PACS1: variants seen among roughly 807,000 people sequenced by gnomAD.
PACS1 encodes the protein phosphofurin acidic cluster sorting protein 1.
PACS1 carries 24 observed loss-of-function variants against 115.0 expected under a neutral mutation model. The observed-to-expected ratio is 0.21, with a 90% CI of 0.15 to 0.29. PACS1 has a LOEUF of 0.29. PACS1 is among the 10% of genes least tolerant of loss of function. PACS1 has a pLI of 1.00. For missense variants in PACS1, 838 were observed against 1,251.2 expected (o/e 0.67, Z 4.98); for synonymous variants, 453 against 504.5 (o/e 0.90, Z 1.37).
chr11:66,216,470 A>G, intron 5 of PACS1, 50 bp from the exon 6 acceptor site: 1 of 1,543,744 alleles, frequency 6.5e-7, no homozygotes. Flanking sequence ...GAAGTTTCTT[A>G]GGCCAGATCT....
In PACS1 at chr11:66,236,346, C is replaced by T. The variant is rs1040146715; in HGVS notation, c.2250+406C>T. Among the ~76,000 whole-genome samples the T allele has an allele frequency of 3.3e-5, 5 of 152,222 alleles. No homozygotes were observed. Among genetic ancestry groups the T allele is most frequent in the Non-Finnish European group, 7.3e-5 (5 of 68,038 alleles). ...TTACACCAGGCCCTGACCTCGCTGCCTTCACCCGGGGAGTGATGTCCAGAC... is the reference window on the plus strand; with the variant it reads ...TTACACCAGGCCCTGACCTCGCTGCTTTCACCCGGGGAGTGATGTCCAGAC... On this transcript the variant is annotated intron_variant, in intron 19 of 23. Transcript: ENST00000320580. This position sits in a 1 kb window ranked among gnomAD's most constrained non-coding sequence, Gnocchi z 4.2.
intron 1 of PACS1, among the ~76,000 whole-genome samples, chr11:66,126,706 G>T (rs1202255866): frequency 6.6e-6 from 1 of 152,032 alleles, no homozygotes; most frequent in African/African-American, 2.4e-5. Flanking sequence ...TGAGGGAGAA[G>T]TGATGTCCTT....
intron 10 of PACS1, among the ~76,000 whole-genome samples, chr11:66,223,269 T>C (rs1565153881): frequency 6.6e-6 from 1 of 151,922 alleles, no homozygotes; most frequent in Non-Finnish European, 1.5e-5. Flanking sequence ...AATTTTTGTA[T>C]TTTTAGTAGA....
intron 13 of PACS1, 131 bp downstream of exon 13, chr11:66,231,071 C>A: frequency 8.5e-7 from 1 of 1,181,126 alleles, no homozygotes; most frequent in Non-Finnish European, 1.2e-6. Flanking sequence ...AACAAAAACT[C>A]TTGAAGAAAG....
chr11:66,160,871 G>T (rs10488727), intron 1 of PACS1, among the ~76,000 whole-genome samples: 1 of 151,930 alleles, frequency 6.6e-6, no homozygotes, highest in Admixed American at 6.6e-5. Flanking sequence ...TAATAGAACA[G>T]TGTTAGCATC....
intron 1 of PACS1, among the ~76,000 whole-genome samples, chr11:66,079,917 C>T (rs1216676429): frequency 6.6e-6 from 1 of 152,208 alleles, no homozygotes. Flanking sequence ...GCTGTTCCCT[C>T]TACCTGTGAT....
Position 66,243,588 on chromosome 11 carries a change from A to C in PACS1, c.*308A>C, listed in dbSNP as rs1855861362. 3.3e-6 allele frequency: 1 copy of C among 306,910 alleles called. No individual in the cohort carries two copies. Among genetic ancestry groups the C allele is most frequent in the Non-Finnish European group, 6.1e-6 (1 of 163,312 alleles). The allele number at this position is 306,910 out of a possible 1,614,324, so 19.0% of individuals were successfully genotyped here. ...GACTGAGTCCCCCAGGCCTTCCTTC[A>C]CCCGACTTCCAAACTCTTCCTTGTG... On this transcript the variant is annotated 3_prime_UTR_variant, in exon 24 of 24. Transcript: ENST00000320580.
chr11:66,217,475 A>G (rs1340082352), intron 7 of PACS1: 1 of 444,454 alleles, frequency 2.2e-6, no homozygotes, highest in Non-Finnish European at 4.6e-6. Flanking sequence ...TCACAGCTCC[A>G]TTTACCCAGA....
At chr11:66,137,069 T>C (rs1287995686) in intron 1 of PACS1, among the ~76,000 whole-genome samples, 1 of 144,660 alleles carries the variant, frequency 6.9e-6, no homozygotes, top group Non-Finnish European at 1.5e-5. Context: ...TCTGTTTACA[T>C]TGGTGTTTGC....
At chr11:66,221,130 C>T in intron 9 of PACS1, 24 bp from the exon 10 acceptor site, 1 of 1,606,766 alleles carries the variant, frequency 6.2e-7, no homozygotes, top group Non-Finnish European at 8.5e-7. Context: ...GCAGCACTGA[C>T]CCTGGCTGTG....
chr11:66,167,059 C>T (rs1004933988), intron 1 of PACS1, among the ~76,000 whole-genome samples: 3 of 150,260 alleles, frequency 2.0e-5, no homozygotes, highest in African/African-American at 5.0e-5. Context: ...CCCATCGTGC[C>T]GCATCTTCAC....
At chr11:66,241,845 C>T (rs530347446) in intron 22 of PACS1, among the ~76,000 whole-genome samples, 192 bp downstream of exon 22, 2 of 152,292 alleles carry the variant, frequency 1.3e-5, no homozygotes, top group South Asian at 2.1e-4. Flanking sequence ...TGCAGGAAAC[C>T]GAGGCTGCAG....
intron 2 of PACS1, among the ~76,000 whole-genome samples, chr11:66,197,770 C>T (rs1854681785): frequency 6.6e-6 from 1 of 152,032 alleles, no homozygotes; most frequent in East Asian, 1.9e-4. Flanking sequence ...CTACCCTGGG[C>T]AACAGAACGA....
chr11:66,080,114 G>C (rs1384534084), intron 1 of PACS1, among the ~76,000 whole-genome samples: 1 of 152,194 alleles, frequency 6.6e-6, no homozygotes, highest in Admixed American at 6.5e-5. Context: ...CTTTATAGAT[G>C]CTCAATAACT....
intron 10 of PACS1, among the ~76,000 whole-genome samples, chr11:66,227,069 A>G (rs1855482592): frequency 6.6e-6 from 1 of 152,202 alleles, no homozygotes; most frequent in Non-Finnish European, 1.5e-5. Flanking sequence ...TTTGGCTACC[A>G]TGGATGTCTT....
Position 66,239,528 on chromosome 11 carries a change from A to C in PACS1, c.2429+251A>C, listed in dbSNP as rs954001173. 6.6e-5 allele frequency among the ~76,000 whole-genome samples: 10 copies of C among 152,226 alleles called. 1 individual carries two copies. Among genetic ancestry groups the C allele is most frequent in the African/African-American group, 9.6e-5 (4 of 41,544 alleles). ...GCAAGACCCTGTCTCTCAAAAAAAA[A>C]CCCAAAACACTAAAGTTAGAATTCA... On this transcript the variant is annotated intron_variant, in intron 21 of 23. Transcript: ENST00000320580.
chr11:66,077,253 T>C (rs1590728002), intron 1 of PACS1, among the ~76,000 whole-genome samples: 1 of 152,152 alleles, frequency 6.6e-6, no homozygotes, highest in Non-Finnish European at 1.5e-5. Flanking sequence ...AGAAAACTTC[T>C]AGAAAATAGT....
intron 22 of PACS1, among the ~76,000 whole-genome samples, 154 bp from the exon 23 acceptor site, chr11:66,242,758 G>A (rs1855841615): frequency 6.6e-6 from 1 of 152,132 alleles, no homozygotes; most frequent in South Asian, 2.1e-4. Flanking sequence ...TCAGGAACCT[G>A]AAGATCCTGA....
In PACS1 at chr11:66,236,532, AACTTTGAAAGTCAAG is replaced by A. The variant is rs151175608; in HGVS notation, c.2250+593_2250+607del. ...CCAAGGAGAAATCTCTATACTAGTA[AACTTTGAAAGTCAAG>A]GAAGAACCCCGTGGATGTCTCATGG... is the stretch of plus-strand genomic sequence containing the variant. On this transcript the variant is annotated intron_variant, in intron 19 of 23. Coordinates refer to ENST00000320580, the MANE Select transcript of PACS1 (RefSeq NM_018026.4). The surrounding 1 kb of genome is among the most constrained non-coding windows in gnomAD (Gnocchi z 4.2). 4.7e-3 allele frequency among the ~76,000 whole-genome samples: 714 copies of A among 152,248 alleles called. 4 individuals are homozygous for A. The highest frequency in any genetic ancestry group is 5.8e-3 in the Non-Finnish European group (394 of 68,010).
Sources: allele counts gnomAD v4.1 joint callset (sites outside exome capture counted in the v4.1 genomes callset), GRCh38; gene constraint gnomAD v4.1.1; non-coding constraint Gnocchi (gnomAD v3.1); transcripts MANE v1.5; gene names NCBI Gene and HGNC (gene_info 2026-07-23, HGNC 2026-07-21).